MIA2: variants seen among roughly 807,000 people sequenced by gnomAD.
The protein encoded by MIA2 is melanoma inhibitory activity protein 2.
A neutral mutation model predicts 167.8 loss-of-function variants in MIA2; 127 were observed. That is an observed-to-expected ratio of 0.76 (90% CI 0.66 to 0.88). The LOEUF (loss-of-function observed/expected upper bound fraction) is 0.88. Among genes scored for constraint, MIA2 ranks in the 40% least tolerant of loss-of-function variants. The pLI is 0.00. For synonymous variants in MIA2, 552 were observed against 541.9 expected, an observed-to-expected ratio of 1.02 and a Z score of -0.26; for missense variants, 1,690 against 1,624.7, an observed-to-expected ratio of 1.04 and a Z score of -0.69.
intron 25 of MIA2, among the ~76,000 whole-genome samples, chr14:39,330,066 C>G (rs1193898996): frequency 6.6e-6 from 1 of 152,134 alleles, no homozygotes; most frequent in Non-Finnish European, 1.5e-5. Context: ...CCTTGTACCT[C>G]TGGTAGAATT....
At chr14:39,290,117 G>T (rs976887181) in intron 9 of MIA2, among the ~76,000 whole-genome samples, 12 of 152,074 alleles carry the variant, frequency 7.9e-5, no homozygotes, top group Non-Finnish European at 1.5e-5. Flanking sequence ...CCAAGCACAG[G>T]GTTCATCTGA....
In MIA2 at chr14:39,386,643, G is replaced by A. The variant is rs113995893; in HGVS notation, c.2249-242G>A. 7,958 of 1,047,976 alleles carry A rather than the reference G, an allele frequency of 7.6e-3. 405 individuals carry two copies. The African/African-American group carries it at 0.11, about 15-fold the overall frequency. The allele number at this position is 1,047,976 out of a possible 1,614,324, so 64.9% of individuals were successfully genotyped here. A position where few individuals can be genotyped will look rare whatever the true frequency, so the allele number is the denominator to read the frequency against. On this transcript the variant is annotated intron_variant, in intron 23 of 23. Transcript: ENST00000341502. ...TTTTTTTTGGCTGGCAGTCTGATCT[G>A]TGACAGCTTTTGGTTCCAGATCAAA...
intron 9 of MIA2, among the ~76,000 whole-genome samples, chr14:39,286,893 G>GTA (rs1206172274): frequency 6.9e-6 from 1 of 144,026 alleles, no homozygotes; most frequent in Non-Finnish European, 1.5e-5. Context: ...GTGTGTGTGT[G>GTA]TGTGTATTTT....
intron 6 of MIA2, among the ~76,000 whole-genome samples, chr14:39,273,948 G>A (rs2057547709): frequency 6.6e-6 from 1 of 152,234 alleles, no homozygotes; most frequent in South Asian, 2.1e-4. Flanking sequence ...ATGGAACTTT[G>A]TGTTATAGTC....
At chr14:39,296,570 C>T (rs549099120) in intron 13 of MIA2, among the ~76,000 whole-genome samples, 122 of 150,920 alleles carry the variant, frequency 8.1e-4, no homozygotes, top group East Asian at 2.3e-3. Flanking sequence ...TGTGAGCCAC[C>T]GCGCCTGGCC....
chr14:39,325,459 C>T (rs1369310168), intron 24 of MIA2, among the ~76,000 whole-genome samples: 1 of 150,218 alleles, frequency 6.7e-6, no homozygotes, highest in Admixed American at 6.6e-5. Flanking sequence ...CCTCCTCCTC[C>T]TGAGTTCAAG....
At chr14:39,305,403 C>T (rs1458770519) in intron 17 of MIA2, among the ~76,000 whole-genome samples, 3 of 152,174 alleles carry the variant, frequency 2.0e-5, no homozygotes, top group African/African-American at 7.2e-5. Flanking sequence ...CCAGTTATCC[C>T]ACTCCTTAAT....
At chr14:39,307,248 C>CT (rs2063486370) in intron 17 of MIA2, among the ~76,000 whole-genome samples, 1 of 151,944 alleles carries the variant, frequency 6.6e-6, no homozygotes, top group South Asian at 2.1e-4. Context: ...TGTTGAACTA[C>CT]AATATCTCCC....
At chr14:39,310,654 C>T (rs1566865780) in intron 18 of MIA2, among the ~76,000 whole-genome samples, 1 of 152,204 alleles carries the variant, frequency 6.6e-6, no homozygotes, top group East Asian at 1.9e-4. Context: ...TGGAACAAAA[C>T]TAGCACAAAT....
chr14:39,237,083 G>A, intron 2 of MIA2, 28 bp downstream of exon 2: 1 of 1,607,300 alleles, frequency 6.2e-7, no homozygotes, highest in Non-Finnish European at 8.5e-7. Flanking sequence ...AAAATTGAAT[G>A]CAGAATAAAT....
chr14:39,362,392 C>A (rs1047825980), intron 23 of MIA2, among the ~76,000 whole-genome samples: 1 of 152,032 alleles, frequency 6.6e-6, no homozygotes. Flanking sequence ...CAGGTTTTTG[C>A]TTTCTTTCTC....
chr14:39,381,346 C>T (rs1018709927), intron 23 of MIA2, among the ~76,000 whole-genome samples: 1 of 152,020 alleles, frequency 6.6e-6, no homozygotes, highest in Admixed American at 6.6e-5. Flanking sequence ...CTTTTAAATA[C>T]ACACACACAC....
chr14:39,309,169 G>A (rs961012961), intron 18 of MIA2, among the ~76,000 whole-genome samples: 4 of 151,958 alleles, frequency 2.6e-5, no homozygotes, highest in Admixed American at 6.6e-5. Context: ...GTTAATACCC[G>A]GCTTATTATA....
At chr14:39,329,484 T>C (rs2068310767) in intron 25 of MIA2, among the ~76,000 whole-genome samples, 1 of 152,156 alleles carries the variant, frequency 6.6e-6, no homozygotes, top group Non-Finnish European at 1.5e-5. Context: ...GGCCAGAACT[T>C]CCAATACTAT....
At chr14:39,308,281 TAACAA>T (rs1164376658) in intron 17 of MIA2, among the ~76,000 whole-genome samples, 163 bp from the exon 18 acceptor site, 1 of 152,156 alleles carries the variant, frequency 6.6e-6, no homozygotes, top group Admixed American at 6.5e-5. Context: ...AATCAACTAA[TAACAA>T]TAAAAGCATT....
intron 13 of MIA2, among the ~76,000 whole-genome samples, chr14:39,297,797 T>C (rs748628928): frequency 6.6e-6 from 1 of 152,084 alleles, no homozygotes; most frequent in Non-Finnish European, 1.5e-5. Flanking sequence ...CAACTGCTTT[T>C]TATACAGACT....
chr14:39,301,651 T>G (rs2062520805), intron 14 of MIA2, among the ~76,000 whole-genome samples: 1 of 152,248 alleles, frequency 6.6e-6, no homozygotes, highest in Admixed American at 6.5e-5. Flanking sequence ...AAAGTACTTT[T>G]GGAAAACCTC....
At chr14:39,343,893 TCTTTA>T (rs202141870) in intron 25 of MIA2, among the ~76,000 whole-genome samples, 349 of 152,334 alleles carry the variant, frequency 2.3e-3, no homozygotes, top group African/African-American at 7.7e-3. Flanking sequence ...TACTTGTTCA[TCTTTA>T]CTTTTCTTTC....
At chr14:39,263,631 CTCTT>C (rs1325676551) in intron 6 of MIA2, among the ~76,000 whole-genome samples, 5 of 113,616 alleles carry the variant, frequency 4.4e-5, no homozygotes, top group South Asian at 2.6e-4. Context: ...CTCTCTCTCT[CTCTT>C]TTTTTTTTTT....
Sources: allele counts gnomAD v4.1 joint callset (sites outside exome capture counted in the v4.1 genomes callset), GRCh38; gene constraint gnomAD v4.1.1; transcripts MANE v1.5; gene names NCBI Gene and HGNC (gene_info 2026-07-23, HGNC 2026-07-21).